Variants in SHISA9 observed in about 807,000 individuals in gnomAD.
The protein encoded by SHISA9 is protein shisa-9.
A neutral mutation model predicts 38.0 loss-of-function variants in SHISA9; 13 were observed. That is an observed-to-expected ratio of 0.34 (90% CI 0.22 to 0.54). The LOEUF is 0.54. Among genes scored for constraint, SHISA9 ranks in the 20% least tolerant of loss-of-function variants. The probability of loss-of-function intolerance (pLI) is 0.91; values close to 1 mark genes in which losing one functional copy is unlikely to be tolerated. For missense variants in SHISA9, 538 were observed against 575.8 expected (o/e 0.93, Z 0.67); for synonymous variants, 275 against 242.0 (o/e 1.14, Z -1.27).
chr16:12,998,794 TTAATGAGTATTTATGTCTG>T (rs2072489782), intron 2 of SHISA9, among the ~76,000 whole-genome samples: 1 of 152,214 alleles, frequency 6.6e-6, no homozygotes, highest in African/African-American at 2.4e-5. Context: ...TTCAAAGAAC[TTAATGAGTATTTATGTCTG>T]TAACAACTCA....
At chr16:13,522,496 GT>G in the SHISA9 span, among the ~76,000 whole-genome samples, 1 of 151,832 alleles carries the variant, frequency 6.6e-6, no homozygotes, top group Admixed American at 6.6e-5. Context: ...TCAGTGAGGA[GT>G]CCCCCCCCGA....
intron 4 of SHISA9, among the ~76,000 whole-genome samples, chr16:13,224,475 C>T (rs371212017): frequency 3.3e-5 from 5 of 152,266 alleles, no homozygotes; most frequent in African/African-American, 1.2e-4. Flanking sequence ...AATATCCTGC[C>T]CATTTCTCAT....
intron 2 of SHISA9, among the ~76,000 whole-genome samples, chr16:12,928,728 A>C (rs1454020197): frequency 6.6e-6 from 1 of 152,254 alleles, no homozygotes; most frequent in African/African-American, 2.4e-5. Context: ...CAAGGGCAGC[A>C]TGTGGTATTT....
At chr16:13,402,934 C>T in the SHISA9 span, among the ~76,000 whole-genome samples, 1 of 152,250 alleles carries the variant, frequency 6.6e-6, no homozygotes, top group East Asian at 1.9e-4. Context: ...CTGGCTAACA[C>T]AGTCAAACCC....
chr16:12,969,758 C>G (rs971125591), intron 2 of SHISA9, among the ~76,000 whole-genome samples: 3 of 151,684 alleles, frequency 2.0e-5, no homozygotes, highest in Non-Finnish European at 4.4e-5. Flanking sequence ...ACGCCCTCCC[C>G]ACCAAAAAAA....
the SHISA9 span, among the ~76,000 whole-genome samples, chr16:13,266,043 T>G: frequency 6.7e-6 from 1 of 148,738 alleles, no homozygotes; most frequent in Non-Finnish European, 1.5e-5. Context: ...TGGATGCATA[T>G]CTTGTTTTTG....
At chr16:13,004,522 G>A (rs1054106210) in intron 2 of SHISA9, among the ~76,000 whole-genome samples, 1 of 152,164 alleles carries the variant, frequency 6.6e-6, no homozygotes, top group African/African-American at 2.4e-5. Context: ...TCTGATTTAT[G>A]TTTTACAAAG....
At position 13,030,239 on chromosome 16, in the gene SHISA9, ACT is replaced by A. The variant is rs763387982; in HGVS notation, c.691+113426_691+113427del. ...TGGAATCCTATTGCAAGAACCCCCC[ACT>A]CAGACTGTCTGGGGGCTTTCTCTGA... is the stretch of plus-strand genomic sequence containing the variant. On this transcript the variant is annotated intron_variant, in intron 2 of 4. Coordinates refer to ENST00000558583, the MANE Select transcript of SHISA9 (RefSeq NM_001145204.3). Among the ~76,000 whole-genome samples the A allele has an allele frequency of 2.3e-4, 35 of 152,022 alleles. No individual in the cohort carries two copies. The South Asian group carries it at 2.7e-3, about 12-fold the overall frequency.
intron 2 of SHISA9, among the ~76,000 whole-genome samples, chr16:13,071,938 G>C (rs2073523880): frequency 6.6e-6 from 1 of 152,092 alleles, no homozygotes; most frequent in African/African-American, 2.4e-5. Context: ...GACCCACCGT[G>C]GCTGGCCAAA....
At chr16:13,377,275 T>C in the SHISA9 span, among the ~76,000 whole-genome samples, 2 of 152,210 alleles carry the variant, frequency 1.3e-5, no homozygotes, top group Non-Finnish European at 2.9e-5. Context: ...TATGGGCTGA[T>C]CCCTTTATGG....
At chr16:13,156,924 A>T (rs1165016013) in intron 2 of SHISA9, among the ~76,000 whole-genome samples, 2 of 152,178 alleles carry the variant, frequency 1.3e-5, no homozygotes, top group African/African-American at 4.8e-5. Context: ...GGCATGAAAG[A>T]AGAAACACAT....
At chr16:13,217,046 C>T (rs2051175947) in intron 4 of SHISA9, among the ~76,000 whole-genome samples, 1 of 151,240 alleles carries the variant, frequency 6.6e-6, no homozygotes, top group Non-Finnish European at 1.5e-5. Context: ...CCGAGGTGGG[C>T]GGATAACGAG....
At chr16:13,198,867 G>C (rs1402585924) in intron 2 of SHISA9, among the ~76,000 whole-genome samples, 1 of 152,158 alleles carries the variant, frequency 6.6e-6, no homozygotes, top group African/African-American at 2.4e-5. Flanking sequence ...CCTTCTGGAT[G>C]GTGTCACTTC....
Position 12,991,723 on chromosome 16 carries a change from A to G in SHISA9, c.691+74908A>G, listed in dbSNP as rs558430437. On this transcript the variant is annotated intron_variant, in intron 2 of 4. Coordinates refer to ENST00000558583, the MANE Select transcript of SHISA9 (RefSeq NM_001145204.3). ...CTTCAGAGGAATTTAGAATGGCACA[A>G]TTTTAAGAGTCGCAAGGGATCTTAG... is the stretch of plus-strand genomic sequence containing the variant. Among the ~76,000 whole-genome samples, 7 of 152,328 alleles carry G rather than the reference A, an allele frequency of 4.6e-5. No homozygotes were observed. The East Asian group carries it at 1.3e-3, about 29-fold the overall frequency.
intron 2 of SHISA9, among the ~76,000 whole-genome samples, chr16:12,985,520 C>G (rs2072296835): frequency 6.6e-6 from 1 of 152,154 alleles, no homozygotes. Context: ...CGTTTTAACT[C>G]TTGTTACCAT....
the SHISA9 span, among the ~76,000 whole-genome samples, chr16:13,442,066 C>G: frequency 6.6e-6 from 1 of 152,220 alleles, no homozygotes; most frequent in African/African-American, 2.4e-5. Context: ...TGGCAAGAAG[C>G]AGCCAGTAGT....
chr16:13,163,077 C>T lies in SHISA9; in HGVS notation c.692-40317C>T, dbSNP rs376340296. Among the ~76,000 whole-genome samples the T allele has an allele frequency of 2.4e-3, 367 of 152,244 alleles. 2 individuals carry two copies. Among genetic ancestry groups the T allele is most frequent in the African/African-American group, 8.5e-3 (354 of 41,574 alleles). ...TCTGAAAGCCAGTGATTTTAAAGAA[C>T]TTGGACAAAAACTGAGTGACCTTGG... On this transcript the variant is annotated intron_variant, in intron 2 of 4. Coordinates refer to ENST00000558583, the MANE Select transcript of SHISA9 (RefSeq NM_001145204.3).
intron 2 of SHISA9, among the ~76,000 whole-genome samples, chr16:12,924,981 A>C (rs992410927): frequency 6.6e-6 from 1 of 152,242 alleles, no homozygotes; most frequent in Non-Finnish European, 1.5e-5. Flanking sequence ...AACTTAGCAT[A>C]GTGCCTGGTA....
the SHISA9 span, among the ~76,000 whole-genome samples, chr16:13,466,156 G>A: frequency 1.3e-5 from 2 of 152,196 alleles, no homozygotes; most frequent in African/African-American, 4.8e-5. Flanking sequence ...AGTTCCAGAA[G>A]GAGAAATGCT....
Sources: allele counts gnomAD v4.1 joint callset (sites outside exome capture counted in the v4.1 genomes callset), GRCh38; gene constraint gnomAD v4.1.1; transcripts MANE v1.5; gene names NCBI Gene and HGNC (gene_info 2026-07-23, HGNC 2026-07-21).